The following IKBKB variants were observed in gnomAD, a reference collection of about 807,000 sequenced individuals.
The protein encoded by IKBKB is inhibitor of nuclear factor kappa B kinase subunit beta.
IKBKB carries 42 observed loss-of-function variants against 113.6 expected under a neutral mutation model. The observed-to-expected ratio is 0.37, with a 90% CI of 0.29 to 0.48. The LOEUF (loss-of-function observed/expected upper bound fraction) is 0.48. IKBKB is among the 20% of genes least tolerant of loss of function. IKBKB has a pLI of 0.99. For synonymous variants in IKBKB, 296 were observed against 361.3 expected (o/e 0.82, Z 2.05); for missense variants, 673 against 939.7 (o/e 0.72, Z 3.71).
At chr8:42,323,993 G>A (rs536055834) in intron 19 of IKBKB, among the ~76,000 whole-genome samples, 1 of 152,192 alleles carries the variant, frequency 6.6e-6, no homozygotes, top group African/African-American at 2.4e-5. Flanking sequence ...GGAAGGGCTA[G>A]GAAGCAGCTC....
In IKBKB at chr8:42,322,401, G is replaced by A; in HGVS notation, c.1893G>A (p.Glu631=). 1 of 1,613,974 alleles carries A rather than the reference G, an allele frequency of 6.2e-7. No homozygotes were observed. The highest frequency in any genetic ancestry group is 2.2e-5 in the East Asian group (1 of 44,854). ...TGGAACTGTTGCCCAAGGTGGAAGA[G>A]GTGGTGAGCTTAATGAATGAGGATG... The part of the protein sequence containing the change: ...KALELLPKVE[E]VVSLMNEDEK... Residue 631 remains glutamate (E), a synonymous_variant, in exon 19 of 22, where the codon GAG becomes GAA. Coordinates refer to ENST00000520810, the MANE Select transcript of IKBKB (RefSeq NM_001556.3).
At chr8:42,278,419 G>A (rs1414539932) in intron 2 of IKBKB, among the ~76,000 whole-genome samples, 1 of 152,192 alleles carries the variant, frequency 6.6e-6, no homozygotes, top group African/African-American at 2.4e-5. Flanking sequence ...CAGATTGGGA[G>A]GGCCCAAGCA....
intron 4 of IKBKB, among the ~76,000 whole-genome samples, chr8:42,291,965 GAC>G (rs1367511674): frequency 2.0e-5 from 3 of 152,220 alleles, no homozygotes; most frequent in Non-Finnish European, 4.4e-5. Context: ...AGAACAAAGA[GAC>G]AGATAAATAA....
intron 2 of IKBKB, among the ~76,000 whole-genome samples, chr8:42,287,376 C>A (rs1811634824): frequency 6.6e-6 from 1 of 152,244 alleles, no homozygotes; most frequent in Admixed American, 6.5e-5. Context: ...TGTTACTCTG[C>A]AGAAAGTAAC....
rs971037262 is a variant in IKBKB, at chr8:42,332,345, A to G, written c.*1366A>G. 1.3e-5 allele frequency: 2 copies of G among 152,284 alleles called. No homozygotes were observed. Among genetic ancestry groups the G allele is most frequent in the African/African-American group, 4.8e-5 (2 of 41,484 alleles). 9.4% of individuals were successfully genotyped at this position (152,284 alleles called of 1,614,324 possible). ...TTAACTTTGTGTAAGAACACTGTTT[A>G]TCAATGTCATTTGGCTATAGAAACA... On this transcript the variant is annotated 3_prime_UTR_variant, in exon 22 of 22. Transcript: ENST00000520810.
chr8:42,331,322 G>C lies in IKBKB; in HGVS notation c.*343G>C, dbSNP rs1362092556. 1.4e-6 allele frequency: 1 copy of C among 702,606 alleles called. No homozygotes were observed. The highest frequency in any genetic ancestry group is 2.6e-6 in the Non-Finnish European group (1 of 385,052). 43.5% of individuals were successfully genotyped at this position (702,606 alleles called of 1,614,324 possible). A position where few individuals can be genotyped will look rare whatever the true frequency, so the allele number is the denominator to read the frequency against. On this transcript the variant is annotated 3_prime_UTR_variant, in exon 22 of 22. Transcript: ENST00000520810. ...AACGTTCAGGGGTACAGCCATGGCA[G>C]CTCCTTCCTCTGCCGTGAGAAAAGT...
chr8:42,285,769 T>C (rs1306127341), intron 2 of IKBKB, among the ~76,000 whole-genome samples: 1 of 152,128 alleles, frequency 6.6e-6, no homozygotes, highest in Non-Finnish European at 1.5e-5. Flanking sequence ...GGCTGCACCA[T>C]GGGTGAGCCT....
chr8:42,317,833 G>A, intron 12 of IKBKB, 62 bp downstream of exon 12: 1 of 1,242,506 alleles, frequency 8.0e-7, no homozygotes, highest in South Asian at 1.2e-5. Flanking sequence ...GACAAGGCAG[G>A]GAAGGGAGAC....
At chr8:42,285,374 C>T (rs769487284) in intron 2 of IKBKB, among the ~76,000 whole-genome samples, 2 of 143,334 alleles carry the variant, frequency 1.4e-5, no homozygotes, top group African/African-American at 3.0e-5. Context: ...AGTGAGACTC[C>T]GTCTCTACAA....
intron 20 of IKBKB, 197 bp downstream of exon 20, chr8:42,326,294 T>C: frequency 1.6e-6 from 1 of 619,794 alleles, no homozygotes; most frequent in Non-Finnish European, 2.8e-6. Context: ...TACTAACTAG[T>C]TTCTTTGTCC....
chr8:42,308,753 T>C (rs1233304577), intron 7 of IKBKB, 148 bp from the exon 8 acceptor site: 1 of 688,458 alleles, frequency 1.5e-6, no homozygotes, highest in Non-Finnish European at 2.5e-6. Context: ...CCGCTAAACA[T>C]GCCTGGGGTG....
chr8:42,301,281 T>A (rs539303596), intron 5 of IKBKB, among the ~76,000 whole-genome samples: 28 of 152,356 alleles, frequency 1.8e-4, no homozygotes, highest in Non-Finnish European at 2.8e-4. Context: ...CTTTTAATTT[T>A]TATAAACATG....
rs182151198 is a variant in IKBKB, at chr8:42,316,554, T to C, written c.931-156T>C. ...CAGACAGGATTATGAAAGATGCAAA[T>C]ATGCGAAACATGGCACATGACCTCC... On this transcript the variant is annotated intron_variant, in intron 10 of 21. Transcript: ENST00000520810. The surrounding 1 kb of genome is among the most constrained non-coding windows in gnomAD (Gnocchi z 4.5). Among the ~76,000 whole-genome samples, 17 of 152,310 alleles carry C rather than the reference T, an allele frequency of 1.1e-4. No individual in the cohort carries two copies. The East Asian group carries it at 2.7e-3, about 24-fold the overall frequency.
At chr8:42,280,690 C>A (rs1224317003) in intron 2 of IKBKB, among the ~76,000 whole-genome samples, 2 of 152,182 alleles carry the variant, frequency 1.3e-5, no homozygotes, top group East Asian at 3.8e-4. Flanking sequence ...TCATCATGTT[C>A]TGTGTACACT....
In IKBKB at chr8:42,316,430, C is replaced by A; in HGVS notation, c.930+91C>A. On this transcript the variant is annotated intron_variant, in intron 10 of 21. Coordinates refer to ENST00000520810, the MANE Select transcript of IKBKB (RefSeq NM_001556.3). This position sits in a 1 kb window ranked among gnomAD's most constrained non-coding sequence, Gnocchi z 4.5. Reference sequence around the variant, plus strand: ...AGGACAGAGCAGGGGATGGGGCCAGCTGACCTAGTGAGGAAATTTAGGCTC... The same window carrying A: ...AGGACAGAGCAGGGGATGGGGCCAGATGACCTAGTGAGGAAATTTAGGCTC... 6.7e-7 allele frequency: 1 copy of A among 1,491,994 alleles called. No individual in the cohort carries two copies. The allele number at this position is 1,491,994 out of a possible 1,614,324, so 92.4% of individuals were successfully genotyped here. A position where few individuals can be genotyped will look rare whatever the true frequency, so the allele number is the denominator to read the frequency against.
At chr8:42,272,510 A>G (rs1808002644) in intron 2 of IKBKB, 3 of 431,038 alleles carry the variant, frequency 7.0e-6, no homozygotes, top group Non-Finnish European at 1.2e-5. Flanking sequence ...TATATGTTAT[A>G]AAACATATAG....
In IKBKB at chr8:42,314,196, T is replaced by A. The variant is rs1254294704; in HGVS notation, c.693-126T>A. 5.4e-6 allele frequency: 4 copies of A among 742,180 alleles called. No individual in the cohort carries two copies. In the East Asian group the frequency reaches 1.0e-4, roughly 19 times the overall value. The allele number at this position is 742,180 out of a possible 1,614,324, so 46.0% of individuals were successfully genotyped here. On this transcript the variant is annotated intron_variant, in intron 8 of 21. Transcript: ENST00000520810. ...TGTACGATACAGCCTAGGTCTGTAG[T>A]AGGCTAAACCATCTAGGTTTGTGTT...
chr8:42,317,490 C>CAGTAA (rs1486251498), intron 11 of IKBKB, among the ~76,000 whole-genome samples, 167 bp from the exon 12 acceptor site: 5 of 152,184 alleles, frequency 3.3e-5, no homozygotes, highest in Non-Finnish European at 7.3e-5. Flanking sequence ...TGTGTTCAGA[C>CAGTAA]AGTAAGTGTG....
chr8:42,325,166 C>A, intron 19 of IKBKB: 1 of 949,606 alleles, frequency 1.1e-6, no homozygotes, highest in Non-Finnish European at 1.3e-6. Flanking sequence ...GGCCGGCGGT[C>A]GTGGGCTGTG....
Sources: allele counts gnomAD v4.1 joint callset (sites outside exome capture counted in the v4.1 genomes callset), GRCh38; gene constraint gnomAD v4.1.1; non-coding constraint Gnocchi (gnomAD v3.1); transcripts MANE v1.5; gene names NCBI Gene and HGNC (gene_info 2026-07-23, HGNC 2026-07-21).